KIF26B: variants seen among roughly 807,000 people sequenced by gnomAD.
KIF26B encodes kinesin-like protein KIF26B.
A neutral mutation model predicts 151.2 loss-of-function variants in KIF26B; 63 were observed. The ratio of observed to expected loss-of-function variants is 0.42; its 90% CI spans 0.34 to 0.51. The LOEUF (loss-of-function observed/expected upper bound fraction) is 0.51. KIF26B is among the 20% of genes least tolerant of loss of function. KIF26B has a pLI of 0.07. For missense variants in KIF26B, 2,813 were observed against 2,913.6 expected (o/e 0.97, Z 0.79); for synonymous variants, 1,357 against 1,262.1 (o/e 1.08, Z -1.59).
In KIF26B at chr1:245,426,710, G is replaced by C. The variant is rs149138163; in HGVS notation, c.1166+6965G>C. ...GGTCAGGGCTAGGCTGAGCAGAGAGGACTGACCTCTGGCTCCCAGGCCCTG... is the reference window on the plus strand; with the variant it reads ...GGTCAGGGCTAGGCTGAGCAGAGAGCACTGACCTCTGGCTCCCAGGCCCTG... On this transcript the variant is annotated intron_variant, in intron 4 of 14. Coordinates refer to ENST00000407071, the MANE Select transcript of KIF26B (RefSeq NM_018012.4). Among the ~76,000 whole-genome samples, 14 of 152,320 alleles carry C rather than the reference G, an allele frequency of 9.2e-5. 1 individual carries two copies. The East Asian group carries it at 2.7e-3, about 29-fold the overall frequency.
At chr1:245,202,407 G>C (rs10802196) in intron 2 of KIF26B, among the ~76,000 whole-genome samples, 79,392 of 152,000 alleles carry the variant, frequency 0.52, 22,365 homozygotes, top group Non-Finnish European at 0.63. Context: ...CTGATCTACC[G>C]GTCTGAGCTT....
intron 2 of KIF26B, among the ~76,000 whole-genome samples, chr1:245,332,349 G>T (rs1572008640): frequency 6.6e-6 from 1 of 152,198 alleles, no homozygotes; most frequent in East Asian, 1.9e-4. Context: ...GGGCAGGTGA[G>T]AGGTGGGTAT....
In KIF26B at chr1:245,646,286, T is replaced by G. The variant is rs1553299993; in HGVS notation, c.2258+6T>G. Reference sequence around the variant, plus strand: ...AGCAAACACATTCCATACAAGTAAGTGACTCTTCTACTCAAAGAATGTGGT... The same window carrying G: ...AGCAAACACATTCCATACAAGTAAGGGACTCTTCTACTCAAAGAATGTGGT... On this transcript the variant is annotated splice_donor_region_variant and intron_variant, in intron 10 of 14. Transcript: ENST00000407071. 1 of 1,613,282 alleles carries G rather than the reference T, an allele frequency of 6.2e-7. No homozygotes were observed. The highest frequency in any genetic ancestry group is 2.2e-5 in the East Asian group (1 of 44,864).
At chr1:245,331,351 CTCTT>C (rs933214948) in intron 2 of KIF26B, among the ~76,000 whole-genome samples, 1 of 152,178 alleles carries the variant, frequency 6.6e-6, no homozygotes, top group African/African-American at 2.4e-5. Flanking sequence ...GCTCACGACA[CTCTT>C]TCTTCATATT....
At position 245,382,949 on chromosome 1, in the gene KIF26B, T is replaced by C. The variant is rs981902340; in HGVS notation, c.999+15582T>C. 3.3e-5 allele frequency among the ~76,000 whole-genome samples: 5 copies of C among 149,302 alleles called. No homozygotes were observed. The Admixed American group carries it at 3.4e-4, about 10-fold the overall frequency. ...TTATGTGTGTCACAATTTTACTAAATATATACTTACATGTATTTATATATA... is the reference window on the plus strand; with the variant it reads ...TTATGTGTGTCACAATTTTACTAAACATATACTTACATGTATTTATATATA... On this transcript the variant is annotated intron_variant, in intron 3 of 14. Coordinates refer to ENST00000407071, the MANE Select transcript of KIF26B (RefSeq NM_018012.4).
intron 2 of KIF26B, among the ~76,000 whole-genome samples, chr1:245,308,346 G>C (rs1204166876): frequency 6.6e-6 from 1 of 152,198 alleles, no homozygotes; most frequent in Non-Finnish European, 1.5e-5. Context: ...TCAAAGTGCA[G>C]ATCAGGCCAA....
chr1:245,315,351 A>G lies in KIF26B; in HGVS notation c.466-51483A>G, dbSNP rs1018469102. 3.3e-5 allele frequency among the ~76,000 whole-genome samples: 5 copies of G among 152,134 alleles called. No individual in the cohort carries two copies. The East Asian group carries it at 9.6e-4, about 29-fold the overall frequency. ...CTAATGCCACTGAGACCCACACTTC[A>G]AAATGGTTCAAGGTACATTGCTTGA... On this transcript the variant is annotated intron_variant, in intron 2 of 14. Transcript: ENST00000407071.
Position 245,156,483 on chromosome 1 carries a change from TC to T in KIF26B, c.270del (p.Gly91AlafsTer54). The T allele has an allele frequency of 1.3e-6, 2 of 1,523,570 alleles. No homozygotes were observed. The allele number at this position is 1,523,570 out of a possible 1,614,324, so 94.4% of individuals were successfully genotyped here. A position where few individuals can be genotyped will look rare whatever the true frequency, so the allele number is the denominator to read the frequency against. The stretch of plus-strand genomic sequence containing the variant: ...GTTCACCGGCTCCCCGGGACCCGCC[TC>T]CCCCGGCATCGGCACTAGTTCGCCG... The part of the protein sequence containing the change: ...SSFTGSPGPA[S>X]PGIGTSSPGS... On this transcript the variant is annotated frameshift_variant, in exon 2 of 15. Coordinates refer to ENST00000407071, the MANE Select transcript of KIF26B (RefSeq NM_018012.4). LOFTEE classifies it high-confidence loss of function.
chr1:245,397,581 A>G (rs1302304559), intron 3 of KIF26B, among the ~76,000 whole-genome samples: 2 of 152,232 alleles, frequency 1.3e-5, no homozygotes, highest in East Asian at 3.8e-4. Flanking sequence ...TTTAAACTAC[A>G]GATTCCTTGT....
At chr1:245,522,144 C>T (rs1169826701) in intron 4 of KIF26B, among the ~76,000 whole-genome samples, 10 of 152,300 alleles carry the variant, frequency 6.6e-5, no homozygotes, top group African/African-American at 1.9e-4. Context: ...GCTGGGATTA[C>T]AGGTGTGAGC....
Position 245,540,745 on chromosome 1 carries a change from A to ATTG in KIF26B, c.1167-19_1167-17dup. ...CTGATCGTACAATCATTTTCCCCTT[A>ATTG]TTGTTCCTTTTTCCACTCCAGAGCT... is the stretch of plus-strand genomic sequence containing the variant. On this transcript the variant is annotated intron_variant, in intron 4 of 14. Coordinates refer to ENST00000407071, the MANE Select transcript of KIF26B (RefSeq NM_018012.4). The surrounding 1 kb of genome is among the most constrained non-coding windows in gnomAD (Gnocchi z 4.6). 6.2e-7 allele frequency: 1 copy of ATTG among 1,603,738 alleles called. No individual in the cohort carries two copies. The highest frequency in any genetic ancestry group is 2.2e-5 in the East Asian group (1 of 44,836).
chr1:245,195,371 C>T (rs1009118671), intron 2 of KIF26B, among the ~76,000 whole-genome samples: 5 of 152,220 alleles, frequency 3.3e-5, no homozygotes, highest in South Asian at 2.1e-4. Context: ...TCAGTTCCAC[C>T]GTCATTTAAA....
intron 2 of KIF26B, among the ~76,000 whole-genome samples, chr1:245,309,035 G>A (rs531376154): frequency 1.3e-5 from 2 of 152,250 alleles, no homozygotes; most frequent in African/African-American, 2.4e-5. Flanking sequence ...ATGCCTGAGG[G>A]CCATTTTTTC....
In KIF26B at chr1:245,674,240, A is replaced by G. The variant is rs544654581; in HGVS notation, c.2259-9993A>G. ...AGGCTCTGTGAAAAATGACAGGTCT[A>G]TGGAAATGTCTACTGCAAAGCACTG... On this transcript the variant is annotated intron_variant, in intron 10 of 14. Transcript: ENST00000407071. 8.5e-5 allele frequency among the ~76,000 whole-genome samples: 13 copies of G among 152,340 alleles called. 1 individual carries two copies. The highest frequency in any genetic ancestry group is 2.2e-4 in the African/African-American group (9 of 41,586).
chr1:245,503,916 T>C (rs1467731842), intron 4 of KIF26B, among the ~76,000 whole-genome samples: 1 of 152,192 alleles, frequency 6.6e-6, no homozygotes, highest in Non-Finnish European at 1.5e-5. Context: ...TGGTCAGAGA[T>C]ATGATCCAAA....
chr1:245,367,044 A>C lies in KIF26B; in HGVS notation c.676A>C (p.Asn226His). Residue 226 changes from asparagine to histidine, a missense_variant, in exon 3 of 15, where the codon AAC becomes CAC. Asn to His is a moderately conservative substitution (Grantham distance 68). Coordinates refer to ENST00000407071, the MANE Select transcript of KIF26B (RefSeq NM_018012.4). This position sits in a 1 kb window ranked among gnomAD's most constrained non-coding sequence, Gnocchi z 4.2. ...ASPCSPPPLS[N>H]IPTLVGSRHV... is the part of the protein sequence containing the mutation. ...GCCCTGCTCCCCGCCACCGCTCTCC[A>C]ACATCCCCACCCTGGTGGGGTCCCG... The C allele has an allele frequency of 6.2e-7, 1 of 1,610,294 alleles. No homozygotes were observed. Among genetic ancestry groups the C allele is most frequent in the Non-Finnish European group, 8.5e-7 (1 of 1,178,332 alleles).
chr1:245,322,201 A>G (rs1240872849), intron 2 of KIF26B, among the ~76,000 whole-genome samples: 1 of 152,062 alleles, frequency 6.6e-6, no homozygotes, highest in Non-Finnish European at 1.5e-5. Flanking sequence ...GGAGGAGAAC[A>G]TCACACACCG....
chr1:245,542,449 G>A (rs1661645928), intron 5 of KIF26B, among the ~76,000 whole-genome samples: 1 of 152,260 alleles, frequency 6.6e-6, no homozygotes, highest in African/African-American at 2.4e-5. Context: ...GTTTTCAGCT[G>A]AGGGCTTTCC....
intron 2 of KIF26B, among the ~76,000 whole-genome samples, chr1:245,313,122 G>A (rs1671695256): frequency 6.6e-6 from 1 of 152,144 alleles, no homozygotes; most frequent in Non-Finnish European, 1.5e-5. Context: ...TCATGACACT[G>A]CACTTCAGCC....
Sources: allele counts gnomAD v4.1 joint callset (sites outside exome capture counted in the v4.1 genomes callset), GRCh38; gene constraint gnomAD v4.1.1; non-coding constraint Gnocchi (gnomAD v3.1); transcripts MANE v1.5; gene names NCBI Gene and HGNC (gene_info 2026-07-23, HGNC 2026-07-21).